TRAF3IP2: variants seen among roughly 807,000 people sequenced by gnomAD.
The protein encoded by TRAF3IP2 is TRAF3 interacting protein 2.
A neutral mutation model predicts 57.9 loss-of-function variants in TRAF3IP2; 35 were observed. The observed-to-expected ratio is 0.60, with a 90% confidence interval of 0.46 to 0.80. The LOEUF (loss-of-function observed/expected upper bound fraction) is 0.80, where lower values mean the gene tolerates loss of function less well. Among genes scored for constraint, TRAF3IP2 ranks in the 30% least tolerant of loss-of-function variants. The probability of loss-of-function intolerance (pLI) is 0.00; values close to 1 mark genes in which losing one functional copy is unlikely to be tolerated. For missense variants in TRAF3IP2, 556 were observed against 706.4 expected (o/e 0.79, Z 2.41); for synonymous variants, 251 against 268.9 (o/e 0.93, Z 0.65).
chr6:111,567,215 C>T, intron 6 of TRAF3IP2: 8 of 1,004,908 alleles, frequency 8.0e-6, no homozygotes, highest in Non-Finnish European at 8.3e-6. Context: ...CACGTGGGCA[C>T]CTCGGGGGTG....
chr6:111,605,826 C>T lies in TRAF3IP2; in HGVS notation c.-59G>A, dbSNP rs1797004843. The T allele has an allele frequency of 6.6e-6, 1 of 152,110 alleles. No homozygotes were observed. The highest frequency in any genetic ancestry group is 2.1e-4 in the South Asian group (1 of 4,822). 9.4% of individuals were successfully genotyped at this position (152,110 alleles called of 1,614,324 possible). A position where few individuals can be genotyped will look rare whatever the true frequency, so the allele number is the denominator to read the frequency against. On this transcript the variant is annotated 5_prime_UTR_variant, in exon 1 of 9. Transcript: ENST00000368761. ...CTGGGCCCGGAGGGTAGTCGGCTCT[C>T]GGCGGCTTCTCGTCTCCCTCCACCT...
intron 5 of TRAF3IP2, among the ~76,000 whole-genome samples, chr6:111,571,741 A>G (rs971041167): frequency 4.6e-5 from 7 of 152,226 alleles, no homozygotes; most frequent in African/African-American, 1.4e-4. Flanking sequence ...CCTGGCCAAC[A>G]TAGTGAAACC....
intron 8 of TRAF3IP2, among the ~76,000 whole-genome samples, chr6:111,561,913 G>A (rs1486787552): frequency 2.6e-5 from 4 of 152,156 alleles, no homozygotes; most frequent in East Asian, 3.9e-4. Flanking sequence ...CAAAGGCAGC[G>A]CAGGGAGGAT....
chr6:111,592,821 A>AT (rs910624430), intron 1 of TRAF3IP2, among the ~76,000 whole-genome samples: 3 of 152,190 alleles, frequency 2.0e-5, no homozygotes, highest in African/African-American at 7.2e-5. Flanking sequence ...TCAGAGTGAC[A>AT]TTTTCTACCT....
rs1476213682 is a variant in TRAF3IP2 at position 111,556,294 on chromosome 6, CTT to C, written c.*3109_*3110del. Among the ~76,000 whole-genome samples, 6 of 152,058 alleles carry C rather than the reference CTT, an allele frequency of 3.9e-5. No individual in the cohort carries two copies. In the East Asian group the frequency reaches 7.7e-4, roughly 20 times the overall value. On this transcript the variant is annotated 3_prime_UTR_variant, in exon 9 of 9. Coordinates refer to ENST00000368761, the MANE Select transcript of TRAF3IP2 (RefSeq NM_147686.4). ...TACCAGCTGTAACACTTTAATGACT[CTT>C]TGTGGAACACCAGGGACCACTGCTC...
intron 4 of TRAF3IP2, chr6:111,574,699 A>T (rs994577976): frequency 1.3e-5 from 2 of 152,204 alleles, no homozygotes; most frequent in Non-Finnish European, 1.5e-5. Flanking sequence ...ATGGACATCC[A>T]ATCAATTTAC....
intron 4 of TRAF3IP2, chr6:111,574,016 C>T (rs1795906329): frequency 6.6e-6 from 1 of 152,152 alleles, no homozygotes; most frequent in South Asian, 2.1e-4. Context: ...CTAACATTCA[C>T]CCAATTGTTA....
At chr6:111,577,120 G>A (rs1426658826) in intron 3 of TRAF3IP2, 1 of 148,828 alleles carries the variant, frequency 6.7e-6, no homozygotes. Context: ...CAGCTAATGG[G>A]GGATCCCATT....
At position 111,555,766 on chromosome 6, in the gene TRAF3IP2, C is replaced by G. The variant is rs1158411021; in HGVS notation, c.*3639G>C. ...AGGACCAGCATAACATCTAAATCAACCGAGTGTTAATCTTATTGTCAGTGC... is the reference window on the plus strand; with the variant it reads ...AGGACCAGCATAACATCTAAATCAAGCGAGTGTTAATCTTATTGTCAGTGC... On this transcript the variant is annotated 3_prime_UTR_variant, in exon 9 of 9. Coordinates refer to ENST00000368761, the MANE Select transcript of TRAF3IP2 (RefSeq NM_147686.4). Among the ~76,000 whole-genome samples, 1 of 152,128 alleles carries G rather than the reference C, an allele frequency of 6.6e-6. No homozygotes were observed. The highest frequency in any genetic ancestry group is 1.5e-5 in the Non-Finnish European group (1 of 68,032).
In TRAF3IP2 at chr6:111,559,458, A is replaced by ACT; in HGVS notation, c.1643_1644dup (p.Tyr549SerfsTer46). ...AGAGGCCCCCGTGGAGGAGCCACAT[A>ACT]CTCTTCCTCTCTCAGCAGCCGCAGC... is the stretch of plus-strand genomic sequence containing the variant. On this transcript the variant is annotated frameshift_variant, in exon 9 of 9. Transcript: ENST00000368761. LOFTEE classifies it high-confidence loss of function. 6.2e-7 allele frequency: 1 copy of ACT among 1,613,758 alleles called. No individual in the cohort carries two copies. The highest frequency in any genetic ancestry group is 8.5e-7 in the Non-Finnish European group (1 of 1,179,906).
chr6:111,581,983 CAA>C (rs139566331), intron 2 of TRAF3IP2, among the ~76,000 whole-genome samples: 1 of 151,450 alleles, frequency 6.6e-6, no homozygotes, highest in Non-Finnish European at 1.5e-5. Flanking sequence ...GTCTCAAAAA[CAA>C]AAAAAAGAAC....
At chr6:111,583,663 G>T (rs7745922) in intron 2 of TRAF3IP2, among the ~76,000 whole-genome samples, 204 of 152,274 alleles carry the variant, frequency 1.3e-3, no homozygotes, top group African/African-American at 4.7e-3. Flanking sequence ...ATTATAATGA[G>T]TTGTATAATT....
chr6:111,568,213 C>T (rs899121650), intron 5 of TRAF3IP2, among the ~76,000 whole-genome samples: 1 of 152,084 alleles, frequency 6.6e-6, no homozygotes, highest in Non-Finnish European at 1.5e-5. Flanking sequence ...AAACTTGGAG[C>T]AGAGCCAAGG....
intron 5 of TRAF3IP2, among the ~76,000 whole-genome samples, chr6:111,571,177 G>T (rs1177585817): frequency 6.6e-6 from 1 of 151,454 alleles, no homozygotes; most frequent in African/African-American, 2.4e-5. Context: ...CAGGGTTCAA[G>T]CAATTCTCCT....
chr6:111,604,694 G>A (rs1404008410), intron 1 of TRAF3IP2, among the ~76,000 whole-genome samples: 1 of 152,172 alleles, frequency 6.6e-6, no homozygotes, highest in Non-Finnish European at 1.5e-5. Flanking sequence ...CAAAGCAGTT[G>A]ACATGGAAGG....
intron 1 of TRAF3IP2, among the ~76,000 whole-genome samples, chr6:111,605,324 C>T (rs1362398902): frequency 6.6e-6 from 1 of 152,150 alleles, no homozygotes; most frequent in African/African-American, 2.4e-5. Context: ...TGATTTTTTT[C>T]CCCCCTGCAC....
chr6:111,595,964 A>G (rs1796677204), intron 1 of TRAF3IP2, among the ~76,000 whole-genome samples: 1 of 152,160 alleles, frequency 6.6e-6, no homozygotes, highest in Non-Finnish European at 1.5e-5. Flanking sequence ...CAGAAAACCC[A>G]CGACCGGCGT....
At position 111,556,354 on chromosome 6, in the gene TRAF3IP2, ATGAGTGG is replaced by A. The variant is rs1795241637; in HGVS notation, c.*3044_*3050del. Reference sequence around the variant, plus strand: ...ACCTGGGGTAAGAAGAGTGGAAGGAATGAGTGGTTCAGAGCTTAGGACAGGTCTCTGA... The same window carrying A: ...ACCTGGGGTAAGAAGAGTGGAAGGAATTCAGAGCTTAGGACAGGTCTCTGA... On this transcript the variant is annotated 3_prime_UTR_variant, in exon 9 of 9. Coordinates refer to ENST00000368761, the MANE Select transcript of TRAF3IP2 (RefSeq NM_147686.4). 1 of 152,164 alleles carries A rather than the reference ATGAGTGG, an allele frequency of 6.6e-6. No homozygotes were observed. The highest frequency in any genetic ancestry group is 2.4e-5 in the African/African-American group (1 of 41,432). 9.4% of individuals were successfully genotyped at this position (152,164 alleles called of 1,614,324 possible).
At chr6:111,601,131 A>T (rs1397683501) in intron 1 of TRAF3IP2, 2 of 724,028 alleles carry the variant, frequency 2.8e-6, no homozygotes, top group Non-Finnish European at 5.3e-6. Context: ...GAGGGAAGAA[A>T]GGGGATGGGG....
Sources: gnomAD v4.1 joint callset for allele counts (sites outside exome capture counted in the v4.1 genomes callset) on GRCh38, gnomAD v4.1.1 for gene constraint, MANE v1.5 for transcripts, NCBI Gene and HGNC (gene_info 2026-07-23, HGNC 2026-07-21) for gene names.